AGBL2: variants seen among roughly 807,000 people sequenced by gnomAD.
AGBL2 encodes the protein AGBL carboxypeptidase 2.
AGBL2 carries 87 observed loss-of-function variants against 103.0 expected under a neutral mutation model. The ratio of observed to expected loss-of-function variants is 0.84; its 90% CI spans 0.71 to 1.01. AGBL2 has a LOEUF of 1.01. Ranked by LOEUF, AGBL2 falls within the 50% of genes least tolerant of loss-of-function variation. AGBL2 has a pLI of 0.00. For synonymous variants in AGBL2, 335 were observed against 356.7 expected (o/e 0.94, Z 0.69); for missense variants, 904 against 1,023.5 (o/e 0.88, Z 1.59).
In AGBL2 at chr11:47,705,641, C is replaced by CAAA. The variant is rs71228117; in HGVS notation, c.287-10_287-8dup. 6,893 of 410,886 alleles carry CAAA rather than the reference C, an allele frequency of 0.017. 46 individuals carry two copies. Among genetic ancestry groups the CAAA allele is most frequent in the East Asian group, 0.082 (2,097 of 25,584 alleles). 25.5% of individuals were successfully genotyped at this position (410,886 alleles called of 1,614,324 possible). ...CCCAGGCAAGAGTGAAAGTCTGTGT[C>CAAA]AAAAAAAAAAAAAAAAGAAAAAGAA... On this transcript the variant is annotated splice_polypyrimidine_tract_variant and splice_region_variant and intron_variant, in intron 5 of 18. Transcript: ENST00000525123.
Position 47,667,442 on chromosome 11 carries a change from CAG to C in AGBL2, c.2340+127_2340+128del, listed in dbSNP as rs1250685771. On this transcript the variant is annotated intron_variant, in intron 16 of 18. Transcript: ENST00000525123. Reference sequence around the variant, plus strand: ...CCCTGGAAGGGTTCTGATCGCAAAACAGAAAGTCTCCCTCTGCCCCAATCTCC... The same window carrying C: ...CCCTGGAAGGGTTCTGATCGCAAAACAAAGTCTCCCTCTGCCCCAATCTCC... 6.5e-6 allele frequency: 8 copies of C among 1,228,786 alleles called. No homozygotes were observed. In the African/African-American group the frequency reaches 1.2e-4, roughly 19 times the overall value. 76.1% of individuals were successfully genotyped at this position (1,228,786 alleles called of 1,614,324 possible). A position where few individuals can be genotyped will look rare whatever the true frequency, so the allele number is the denominator to read the frequency against.
chr11:47,706,792 T>A (rs1029821617), intron 4 of AGBL2, among the ~76,000 whole-genome samples: 1 of 148,674 alleles, frequency 6.7e-6, no homozygotes, highest in Admixed American at 6.9e-5. Context: ...CTCACACCTG[T>A]AATCCCAGCA....
At chr11:47,704,995 G>T in intron 6 of AGBL2, 1 of 275,840 alleles carries the variant, frequency 3.6e-6, no homozygotes, top group Non-Finnish European at 6.7e-6. Context: ...TAAATTTAAT[G>T]GTCCAAGACA....
intron 14 of AGBL2, among the ~76,000 whole-genome samples, chr11:47,674,859 C>T (rs911854494): frequency 1.3e-5 from 2 of 151,844 alleles, no homozygotes; most frequent in Admixed American, 6.6e-5. Context: ...TGCAGCCTCC[C>T]GAGTAGCTGG....
At chr11:47,662,614 T>C (rs573846632) in intron 18 of AGBL2, among the ~76,000 whole-genome samples, 158 of 152,030 alleles carry the variant, frequency 1.0e-3, no homozygotes, top group African/African-American at 3.7e-3. Flanking sequence ...TGCCTCAGCC[T>C]CTCCAGTAGC....
intron 14 of AGBL2, among the ~76,000 whole-genome samples, chr11:47,674,566 CAAAAA>C (rs56353033): frequency 3.6e-5 from 4 of 110,192 alleles, no homozygotes; most frequent in Non-Finnish European, 3.7e-5. Flanking sequence ...GACTCCGTCT[CAAAAA>C]AAAAAAAAAA....
chr11:47,660,952 A>G (rs2097326396), intron 18 of AGBL2, among the ~76,000 whole-genome samples: 19 of 152,216 alleles, frequency 1.2e-4, no homozygotes, highest in Admixed American at 1.2e-3. Flanking sequence ...ACAATCTGTC[A>G]AGGTGGCAGA....
rs773100193 is a variant in AGBL2, at chr11:47,677,429, T to A, written c.2017-28A>T. ...ATGAAAGTGAAAAAAAGAACTATTT[T>A]GTTAATTCATTTTATTTTATTTATT... On this transcript the variant is annotated intron_variant, in intron 13 of 18. Coordinates refer to ENST00000525123, the MANE Select transcript of AGBL2 (RefSeq NM_024783.4). The A allele has an allele frequency of 4.3e-6, 6 of 1,387,022 alleles. No individual in the cohort carries two copies. The South Asian group carries it at 7.3e-5, about 17-fold the overall frequency. The allele number at this position is 1,387,022 out of a possible 1,614,324, so 85.9% of individuals were successfully genotyped here.
chr11:47,714,608 G>C lies in AGBL2; in HGVS notation c.33+10C>G. 1 of 1,613,574 alleles carries C rather than the reference G, an allele frequency of 6.2e-7. No individual in the cohort carries two copies. The highest frequency in any genetic ancestry group is 8.5e-7 in the Non-Finnish European group (1 of 1,179,862). Reference sequence around the variant, plus strand: ...AGAAATTTCTGTGGCTTTCCGTGTTGTGTACCGACCTGCTTTAGGTGCGTT... The same window carrying C: ...AGAAATTTCTGTGGCTTTCCGTGTTCTGTACCGACCTGCTTTAGGTGCGTT... On this transcript the variant is annotated intron_variant, in intron 2 of 18. Coordinates refer to ENST00000525123, the MANE Select transcript of AGBL2 (RefSeq NM_024783.4).
chr11:47,680,957 T>C (rs2097399096), intron 12 of AGBL2, among the ~76,000 whole-genome samples: 1 of 152,208 alleles, frequency 6.6e-6, no homozygotes, highest in Admixed American at 6.5e-5. Flanking sequence ...TACTTCATGT[T>C]AGGCACTATG....
chr11:47,701,072 A>G (rs539549716), intron 7 of AGBL2, among the ~76,000 whole-genome samples: 1 of 151,962 alleles, frequency 6.6e-6, no homozygotes, highest in Non-Finnish European at 1.5e-5. Context: ...AAAAACAAAC[A>G]AACAACCAAT....
At chr11:47,680,400 G>A (rs767351830) in intron 12 of AGBL2, among the ~76,000 whole-genome samples, 1 of 151,950 alleles carries the variant, frequency 6.6e-6, no homozygotes, top group South Asian at 2.1e-4. Context: ...GGTGGAGCTT[G>A]CAATGAGCTG....
intron 7 of AGBL2, among the ~76,000 whole-genome samples, chr11:47,703,691 G>A (rs2097506505): frequency 6.6e-6 from 1 of 151,416 alleles, no homozygotes; most frequent in Non-Finnish European, 1.5e-5. Context: ...TTGGGAGGCC[G>A]AGGCGGGTGG....
chr11:47,700,754 G>A (rs2097495428), intron 7 of AGBL2, among the ~76,000 whole-genome samples: 1 of 152,062 alleles, frequency 6.6e-6, no homozygotes, highest in Non-Finnish European at 1.5e-5. Flanking sequence ...ATTATAGGAA[G>A]TGATGAGGCT....
intron 14 of AGBL2, among the ~76,000 whole-genome samples, chr11:47,674,884 G>T (rs1334355802): frequency 6.6e-6 from 1 of 151,848 alleles, no homozygotes. Context: ...ACAGGCATGT[G>T]CCATCACACA....
rs553856051 is a variant in AGBL2, at chr11:47,660,344, A to G, written c.2538T>C (p.Asn846=). The change falls in exon 19 of 19, where the codon AAT becomes AAC. Residue 846 remains asparagine (N), a splice_region_variant and synonymous_variant. Transcript: ENST00000525123. ...ILPKNKGRMQ[N]KKPGFTVSCS... ...ATGATACTGTAAAGCCTGGCTTCTTATTCTGTGCAAATAAGATTTTAAAAA... is the reference window on the plus strand; with the variant it reads ...ATGATACTGTAAAGCCTGGCTTCTTGTTCTGTGCAAATAAGATTTTAAAAA... The G allele has an allele frequency of 6.2e-7, 1 of 1,606,486 alleles. No individual in the cohort carries two copies. The highest frequency in any genetic ancestry group is 1.3e-5 in the African/African-American group (1 of 74,456).
rs766567065 is a variant in AGBL2, at chr11:47,668,890, C to G, written c.2165G>C (p.Ser722Thr). The G allele has an allele frequency of 6.2e-7, 1 of 1,613,024 alleles. No homozygotes were observed. The highest frequency in any genetic ancestry group is 8.5e-7 in the Non-Finnish European group (1 of 1,179,454). ...DIESSTSGSD[S>T]SLSDGLPVHL... ...AACAGGAAGACCATCTGAGAGAGAACTGTCAGAGCCACTGGTGCTGTTTCC... is the reference window on the plus strand; with the variant it reads ...AACAGGAAGACCATCTGAGAGAGAAGTGTCAGAGCCACTGGTGCTGTTTCC... The change falls in exon 15 of 19, where the codon AGT (serine) becomes ACT (threonine). Residue 722 changes from serine to threonine, a missense_variant. Physicochemically the swap from Ser to Thr is moderately conservative, Grantham distance 58 (BLOSUM62 1). Transcript: ENST00000525123.
rs11039349 is a variant in AGBL2, at chr11:47,707,203, C to G, written c.233-1286G>C. The stretch of plus-strand genomic sequence containing the variant: ...GCTTTAGCACACAGAATATAGGAAA[C>G]TTTTGGGCTGGTGTAAGCAAACGTA... On this transcript the variant is annotated intron_variant, in intron 4 of 18. Coordinates refer to ENST00000525123, the MANE Select transcript of AGBL2 (RefSeq NM_024783.4). Among the ~76,000 whole-genome samples, 1,034 of 152,092 alleles carry G rather than the reference C, an allele frequency of 6.8e-3. 16 individuals carry two copies. Among genetic ancestry groups the G allele is most frequent in the African/African-American group, 0.023 (958 of 41,486 alleles).
chr11:47,693,094 A>G (rs760360686), intron 8 of AGBL2, among the ~76,000 whole-genome samples: 5 of 152,176 alleles, frequency 3.3e-5, no homozygotes, highest in African/African-American at 4.8e-5. Flanking sequence ...TGCTGAGTTT[A>G]CAGACATGAG....
Sources: allele counts gnomAD v4.1 joint callset (sites outside exome capture counted in the v4.1 genomes callset), GRCh38; gene constraint gnomAD v4.1.1; transcripts MANE v1.5; gene names NCBI Gene and HGNC (gene_info 2026-07-23, HGNC 2026-07-21).